The following MKI67 variants were observed in gnomAD, a reference collection of about 807,000 sequenced individuals.
The protein encoded by MKI67 is marker of proliferation Ki-67.
In MKI67, 152 loss-of-function variants were observed where a neutral mutation model predicts 233.5. The ratio of observed to expected loss-of-function variants is 0.65; its 90% confidence interval spans 0.57 to 0.74. MKI67 has a LOEUF of 0.74. Ranked by LOEUF, MKI67 falls within the 30% of genes least tolerant of loss-of-function variation. MKI67 has a pLI of 0.00. For missense variants in MKI67, 3,940 were observed against 3,885.2 expected (o/e 1.01, Z -0.37); for synonymous variants, 1,465 against 1,418.5 (o/e 1.03, Z -0.74).
chr10:128,103,338 G>A lies in MKI67; in HGVS notation c.8502C>T (p.Thr2834=), dbSNP rs61729200. Residue 2834 remains threonine (T), a synonymous_variant, in exon 13 of 15, where the codon ACC becomes ACT. Transcript: ENST00000368654. The stretch of plus-strand genomic sequence containing the variant: ...TGGGCCGTCTCTTTGAGCTTGTTGC[G>A]GTGTCTTCTAGTTCTGGTGATGATT... ...PCKSSPELED[T]ATSSKRRPRT... The A allele has an allele frequency of 2.5e-3, 4,011 of 1,614,020 alleles. 16 individuals are homozygous for A. The highest frequency in any genetic ancestry group is 0.018 in the African/African-American group (1,371 of 74,988).
chr10:128,097,925 C>T lies in MKI67; in HGVS notation c.*1265G>A, dbSNP rs1474310439. ...TTCATTCAGCAAGTATTTATGATGTCACCTGGCTCCCCGCCAGACACTGGG... is the reference window on the plus strand; with the variant it reads ...TTCATTCAGCAAGTATTTATGATGTTACCTGGCTCCCCGCCAGACACTGGG... On this transcript the variant is annotated 3_prime_UTR_variant, in exon 15 of 15. Transcript: ENST00000368654. 6.6e-6 allele frequency: 1 copy of T among 152,284 alleles called. No homozygotes were observed. The highest frequency in any genetic ancestry group is 1.5e-5 in the Non-Finnish European group (1 of 68,102). The allele number at this position is 152,284 out of a possible 1,614,324, so 9.4% of individuals were successfully genotyped here.
rs1474592798 is a variant in MKI67 at position 128,103,131 on chromosome 10, T to C, written c.8709A>G (p.Arg2903=). Residue 2903 remains arginine, a synonymous_variant, in exon 13 of 15, where the codon AGA becomes AGG. Coordinates refer to ENST00000368654, the MANE Select transcript of MKI67 (RefSeq NM_002417.5). The part of the protein sequence containing the change: ...LDAEDVIGSR[R]QPRAPKEKAQ... ...CCTTTTCCTTAGGTGCTCTTGGCTG[T>C]CTCCTGCTGCCAATTACATCTTCTG... 16 of 1,614,214 alleles carry C rather than the reference T, an allele frequency of 9.9e-6. No homozygotes were observed. The highest frequency in any genetic ancestry group is 1.7e-5 in the Admixed American group (1 of 60,032).
Position 128,115,091 on chromosome 10 carries a change from A to T in MKI67, c.1317T>A (p.Ile439=), listed in dbSNP as rs760947964. The T allele has an allele frequency of 1.2e-6, 2 of 1,613,930 alleles. No individual in the cohort carries two copies. Among genetic ancestry groups the T allele is most frequent in the Admixed American group, 3.3e-5 (2 of 60,018 alleles). ...ACAGAGTTAAAAATGGCTCATTGTG[A>T]ATTTCAGTTTCCGTAGGCAGAACTT... ...DVEVLPTETE[I]HNEPFLTLWL... The change falls in exon 7 of 15, where the codon ATT becomes ATA. Residue 439 remains isoleucine (I), a synonymous_variant. Coordinates refer to ENST00000368654, the MANE Select transcript of MKI67 (RefSeq NM_002417.5).
intron 12 of MKI67, among the ~76,000 whole-genome samples, chr10:128,110,175 T>G (rs559340637): frequency 6.6e-6 from 1 of 152,230 alleles, no homozygotes. Flanking sequence ...ACGGAGTCTT[T>G]CTTTCTATAT....
chr10:128,115,977 G>T lies in MKI67; in HGVS notation c.431C>A (p.Ser144Ter). Reference sequence around the variant, plus strand: ...TGAAACTTTTCCTTCAGTGATTTTTGAATAGGCCTTGGAATCTTGAGCTTT... The same window carrying T: ...TGAAACTTTTCCTTCAGTGATTTTTTAATAGGCCTTGGAATCTTGAGCTTT... ...DEKAQDSKAYSKITEGKVSGN... is the reference protein window; with the variant it reads ...DEKAQDSKAY The change falls in exon 7 of 15, where the codon TCA (serine) becomes TAA (stop). Residue 144 changes from serine (S) to a stop codon, truncating the protein, a stop_gained. Transcript: ENST00000368654. LOFTEE classifies it high-confidence loss of function. 2 of 1,605,110 alleles carry T rather than the reference G, an allele frequency of 1.2e-6. No homozygotes were observed. The highest frequency in any genetic ancestry group is 1.7e-6 in the Non-Finnish European group (2 of 1,177,626).
At position 128,103,939 on chromosome 10, in the gene MKI67, T is replaced by TTG. The variant is rs143354291; in HGVS notation, c.7899_7900dup (p.Lys2634ThrfsTer14). ...GCCCTCATCACCGCTTGCTGGTTCT[T>TTG]TGTGTGTGTGTGTGCTTTGCCCTGA... On this transcript the variant is annotated frameshift_variant, in exon 13 of 15. Transcript: ENST00000368654. LOFTEE classifies it high-confidence loss of function. 3.1e-6 allele frequency: 5 copies of TTG among 1,613,538 alleles called. No homozygotes were observed. The highest frequency in any genetic ancestry group is 2.7e-5 in the African/African-American group (2 of 74,832).
At chr10:128,113,718 C>A in intron 7 of MKI67, 116 bp from the exon 8 acceptor site, 2 of 853,314 alleles carry the variant, frequency 2.3e-6, no homozygotes, top group South Asian at 3.3e-5. Flanking sequence ...AACACAGTAC[C>A]TACAGCACGC....
rs1458238895 is a variant in MKI67, at chr10:128,103,966, G to T, written c.7874C>A (p.Thr2625Lys). Residue 2625 changes from threonine (T) to lysine (K), a missense_variant, in exon 13 of 15, where the codon ACA (threonine) becomes AAA (lysine). Transcript: ENST00000368654. Reference sequence around the variant, plus strand: ...GTGTGTGTGTGTGCTTTGCCCTGATGTTTGCGTGAGCCTCTCAACTGCTGA... The same window carrying T: ...GTGTGTGTGTGTGCTTTGCCCTGATTTTTGCGTGAGCCTCTCAACTGCTGA... ...ELSAVERLTQ[T>K]SGQSTHTHKE... The T allele has an allele frequency of 6.2e-7, 1 of 1,613,976 alleles. No homozygotes were observed. Among genetic ancestry groups the T allele is most frequent in the South Asian group, 1.1e-5 (1 of 91,088 alleles).
At chr10:128,113,724 C>T in intron 7 of MKI67, 122 bp from the exon 8 acceptor site, 2 of 825,034 alleles carry the variant, frequency 2.4e-6, no homozygotes, top group Admixed American at 2.5e-5. Flanking sequence ...GTACCTACAG[C>T]ACGCCTCTAT....
At position 128,123,016 on chromosome 10, in the gene MKI67, G is replaced by A; in HGVS notation, c.172-20C>T. ...TATTGCCTGCAAGTGAAAAGAAGGG[G>A]AAATATGTAACTAATGAACAGATTA... On this transcript the variant is annotated intron_variant, in intron 3 of 14. Coordinates refer to ENST00000368654, the MANE Select transcript of MKI67 (RefSeq NM_002417.5). 1 of 1,573,120 alleles carries A rather than the reference G, an allele frequency of 6.4e-7. No homozygotes were observed. Among genetic ancestry groups the A allele is most frequent in the Middle Eastern group, 1.7e-4 (1 of 5,962 alleles).
In MKI67 at chr10:128,101,643, TCA is replaced by T; in HGVS notation, c.9318_9319del (p.Glu3107GlyfsTer14). On this transcript the variant is annotated frameshift_variant, in exon 14 of 15. Coordinates refer to ENST00000368654, the MANE Select transcript of MKI67 (RefSeq NM_002417.5). LOFTEE classifies it high-confidence loss of function. ...TATTCTTTCTGCTAATACAAAGACCTCAGTTATTTGCTGTTCTGCCTCAGTCT... is the reference window on the plus strand; with the variant it reads ...TATTCTTTCTGCTAATACAAAGACCTGTTATTTGCTGTTCTGCCTCAGTCT... The T allele has an allele frequency of 6.2e-7, 1 of 1,613,244 alleles. No individual in the cohort carries two copies. Among genetic ancestry groups the T allele is most frequent in the Non-Finnish European group, 8.5e-7 (1 of 1,179,882 alleles).
chr10:128,099,438 T>G (rs1476503636), intron 14 of MKI67, among the ~76,000 whole-genome samples, 183 bp from the exon 15 acceptor site: 5 of 152,256 alleles, frequency 3.3e-5, no homozygotes, highest in Admixed American at 6.5e-5. Flanking sequence ...TTTCTTGACT[T>G]GAACTGCTTT....
At chr10:128,110,952 C>A (rs138511507) in intron 11 of MKI67, among the ~76,000 whole-genome samples, 1 of 152,160 alleles carries the variant, frequency 6.6e-6, no homozygotes, top group Non-Finnish European at 1.5e-5. Context: ...ACAAATAACA[C>A]GTACCCACAT....
Position 128,110,477 on chromosome 10 carries a change from A to G in MKI67, c.2317T>C (p.Cys773Arg). The change falls in exon 12 of 15, where the codon TGT (cysteine) becomes CGT (arginine). Residue 773 changes from cysteine to arginine, a missense_variant. Physicochemically the swap from Cys to Arg is radical, Grantham distance 180. Transcript: ENST00000368654. ...TCTGAATTTGAAATAGCGATGTGAC[A>G]TGTGCTTGTCAACTGCGGTTGCTCC... ...VKEQPQLTST[C>R]HIAISNSENL... 1 of 1,583,326 alleles carries G rather than the reference A, an allele frequency of 6.3e-7. No homozygotes were observed. Among genetic ancestry groups the G allele is most frequent in the Non-Finnish European group, 8.7e-7 (1 of 1,155,848 alleles).
rs755920529 is a variant in MKI67 at position 128,105,273 on chromosome 10, T to A, written c.6567A>T (p.Gln2189His). 3 of 1,613,916 alleles carry A rather than the reference T, an allele frequency of 1.9e-6. No homozygotes were observed. The highest frequency in any genetic ancestry group is 4.5e-5 in the East Asian group (2 of 44,850). The change falls in exon 13 of 15, where the codon CAA becomes CAT. Residue 2189 changes from glutamine (Q) to histidine (H), a missense_variant. Coordinates refer to ENST00000368654, the MANE Select transcript of MKI67 (RefSeq NM_002417.5). ...TCAAGCCAGCCAAGTCTTCTAGGGG[T>A]TGGGCTTTTCCCTTAGGAGTTCTTG... is the stretch of plus-strand genomic sequence containing the variant. The part of the protein sequence containing the change: ...RQPRTPKGKA[Q>H]PLEDLAGLKE...
At position 128,108,432 on chromosome 10, in the gene MKI67, T is replaced by C. The variant is rs761915665; in HGVS notation, c.3408A>G (p.Ser1136=). 3.3e-5 allele frequency: 54 copies of C among 1,614,086 alleles called. No individual in the cohort carries two copies. Among genetic ancestry groups the C allele is most frequent in the Non-Finnish European group, 4.6e-5 (54 of 1,180,050 alleles). ...GCTTTGTGCTTGTTGGAGTGTCCAC[T>C]GATTCTGGTGGTGGAGATTTGCAGG... ...KIACKSPPPE[S]VDTPTSTKQW... The change falls in exon 13 of 15, where the codon TCA becomes TCG. Residue 1136 remains serine (S), a synonymous_variant. Transcript: ENST00000368654.
chr10:128,122,731 T>C (rs1417887123), intron 4 of MKI67, 150 bp downstream of exon 4: 6 of 480,388 alleles, frequency 1.2e-5, no homozygotes, highest in Non-Finnish European at 2.2e-5. Flanking sequence ...TAGATCCATA[T>C]CCTTTTAAAT....
intron 14 of MKI67, among the ~76,000 whole-genome samples, chr10:128,099,573 G>A (rs1852289485): frequency 6.6e-6 from 1 of 152,168 alleles, no homozygotes; most frequent in Non-Finnish European, 1.5e-5. Context: ...ACTAAAAAAT[G>A]TCACTCAGAA....
rs777252533 is a variant in MKI67, at chr10:128,107,282, C to G, written c.4558G>C (p.Val1520Leu). Residue 1520 changes from valine (V) to leucine (L), a missense_variant, in exon 13 of 15, where the codon GTA becomes CTA. Coordinates refer to ENST00000368654, the MANE Select transcript of MKI67 (RefSeq NM_002417.5). ...CTGAGTGCGAAGAATTCTTCTTCTA[C>G]GTCCACTTTCCTGAGACTTCTCTTG... ...QSKRSLRKVD[V>L]EEEFFALRKR... 7.4e-6 allele frequency: 12 copies of G among 1,613,972 alleles called. No individual in the cohort carries two copies. The highest frequency in any genetic ancestry group is 1.0e-5 in the Non-Finnish European group (12 of 1,179,974).
Sources: allele counts gnomAD v4.1 joint callset (sites outside exome capture counted in the v4.1 genomes callset), GRCh38; gene constraint gnomAD v4.1.1; transcripts MANE v1.5; gene names NCBI Gene and HGNC (gene_info 2026-07-23, HGNC 2026-07-21).